The following ULK1 variants were observed in gnomAD, a reference collection of about 807,000 sequenced individuals.
The protein encoded by ULK1 is serine/threonine-protein kinase ULK1.
ULK1 carries 48 observed loss-of-function variants against 117.5 expected under a neutral mutation model. The observed-to-expected ratio is 0.41, with a 90% CI of 0.32 to 0.52. The LOEUF (loss-of-function observed/expected upper bound fraction) is 0.52, where lower values mean the gene tolerates loss of function less well. ULK1 is among the 20% of genes least tolerant of loss of function. The pLI is 0.29. For missense variants in ULK1, 1,387 were observed against 1,473.4 expected (o/e 0.94, Z 0.96); for synonymous variants, 790 against 637.8 (o/e 1.24, Z -3.60).
chr12:131,907,660 T>C, intron 5 of ULK1, 129 bp downstream of exon 5: 2 of 1,200,590 alleles, frequency 1.7e-6, no homozygotes, highest in Non-Finnish European at 2.3e-6. Context: ...GATTGGCTCT[T>C]TCTTGTCCCC....
chr12:131,907,813 T>C (rs1027022662), intron 5 of ULK1, among the ~76,000 whole-genome samples: 1 of 151,798 alleles, frequency 6.6e-6, no homozygotes, highest in African/African-American at 2.4e-5. Context: ...GGGTGGGGGC[T>C]GTTGTCTTCA....
chr12:131,917,106 GAGGCT>G lies in ULK1; in HGVS notation c.2182+45_2182+49del, dbSNP rs773106219. 3.3e-4 allele frequency: 418 copies of G among 1,285,558 alleles called. 22 individuals carry two copies. Among genetic ancestry groups the G allele is most frequent in the East Asian group, 1.8e-3 (68 of 37,288 alleles). The allele number at this position is 1,285,558 out of a possible 1,614,324, so 79.6% of individuals were successfully genotyped here. A position where few individuals can be genotyped will look rare whatever the true frequency, so the allele number is the denominator to read the frequency against. On this transcript the variant is annotated intron_variant, in intron 21 of 27. Coordinates refer to ENST00000321867, the MANE Select transcript of ULK1 (RefSeq NM_003565.4). Reference sequence around the variant, plus strand: ...CTCGGAGGCTGTGGGATGGGGGTCGGAGGCTGTGGGATGGGGGTCGGAGGCTGTGG... The same window carrying G: ...CTCGGAGGCTGTGGGATGGGGGTCGGGTGGGATGGGGGTCGGAGGCTGTGG...
At position 131,910,719 on chromosome 12, in the gene ULK1, C is replaced by G. The variant is rs143119597; in HGVS notation, c.867C>G (p.Pro289=). The G allele has an allele frequency of 3.7e-6, 6 of 1,613,078 alleles. No homozygotes were observed. Among genetic ancestry groups the G allele is most frequent in the Non-Finnish European group, 5.1e-6 (6 of 1,179,904 alleles). Residue 289 remains proline, a synonymous_variant, in exon 12 of 28, where the codon CCC becomes CCG. Transcript: ENST00000321867. ...TATGCATGTTTATCTCAGCCCCACCCGTGCCTGTGCCCTCGTACCCAAGCT... is the reference window on the plus strand; with the variant it reads ...TATGCATGTTTATCTCAGCCCCACCGGTGCCTGTGCCCTCGTACCCAAGCT... ...DASPSVRKSP[P]VPVPSYPSSG... is the part of the protein sequence containing the mutation.
In ULK1 at chr12:131,913,248, A is replaced by T; in HGVS notation, c.1147A>T (p.Met383Leu). The T allele has an allele frequency of 6.3e-7, 1 of 1,590,290 alleles. No individual in the cohort carries two copies. ...PSAKPPPDSL[M>L]CSGSSLVASA... ...TGCCAAACCCCCGCCAGACAGCCTG[A>T]TGTGCAGTGGGTGAGCCCCCATCCC... The change falls in exon 14 of 28, where the codon ATG becomes TTG. Residue 383 changes from methionine to leucine, a missense_variant. Around this residue, in one of 4 missense-constraint regions of ULK1, gnomAD observed 260 missense variants for 271.6 expected, o/e 0.96. Transcript: ENST00000321867.
rs139180744 is a variant in ULK1, at chr12:131,913,767, C to T, written c.1178C>T (p.Ala393Val). ...CACAGGAGCTCACTGGTGGCCTCTGCGGGCTTGGAGAGCCACGGCCGGACC... is the reference window on the plus strand; with the variant it reads ...CACAGGAGCTCACTGGTGGCCTCTGTGGGCTTGGAGAGCCACGGCCGGACC... ...MCSGSSLVAS[A>V]GLESHGRTPS... Residue 393 changes from alanine to valine, a missense_variant, in exon 15 of 28, where the codon GCG (alanine) becomes GTG (valine). By Grantham distance (64) the Ala-to-Val change is moderately conservative. Around this residue, in one of 4 missense-constraint regions of ULK1, gnomAD observed 260 missense variants for 271.6 expected, o/e 0.96. Transcript: ENST00000321867. The T allele has an allele frequency of 9.3e-5, 145 of 1,567,260 alleles. 1 individual carries two copies. Among genetic ancestry groups the T allele is most frequent in the South Asian group, 6.3e-4 (54 of 86,122 alleles).
rs376729575 is a variant in ULK1 at position 131,910,811 on chromosome 12, G to A, written c.948+11G>A. 7.7e-5 allele frequency: 124 copies of A among 1,612,002 alleles called. No individual in the cohort carries two copies. In the Middle Eastern group the frequency reaches 1.2e-3, roughly 15 times the overall value. On this transcript the variant is annotated intron_variant, in intron 12 of 27. Coordinates refer to ENST00000321867, the MANE Select transcript of ULK1 (RefSeq NM_003565.4). ...CTGGCCTCCCCGCCGGTGAGTTGCC[G>A]CCCCAGGGGCTTGGCAGCTTCTCCC...
At chr12:131,895,934 C>T (rs921698794) in intron 3 of ULK1, 110 bp downstream of exon 3, 108 of 1,404,544 alleles carry the variant, frequency 7.7e-5, no homozygotes, top group Non-Finnish European at 1.0e-4. Context: ...CTGGGGTCTA[C>T]TGGGCCCCTG....
chr12:131,895,151 T>TA, intron 1 of ULK1, 39 bp downstream of exon 1: 2 of 1,320,004 alleles, frequency 1.5e-6, no homozygotes, highest in Non-Finnish European at 2.0e-6. Flanking sequence ...CCGCCCAGGA[T>TA]CCCCTGCCCC....
At chr12:131,914,570 C>A in intron 16 of ULK1, 93 bp downstream of exon 16, 3 of 1,492,638 alleles carry the variant, frequency 2.0e-6, no homozygotes, top group Non-Finnish European at 1.8e-6. Flanking sequence ...GGGTCGTCAT[C>A]CATGTGCAGT....
chr12:131,906,560 G>A (rs1400018684), intron 3 of ULK1: 2 of 343,600 alleles, frequency 5.8e-6, no homozygotes, highest in Non-Finnish European at 5.4e-6. Context: ...GAGCTGAGAA[G>A]CTTCTATGGC....
In ULK1 at chr12:131,903,333, T is replaced by C. The variant is rs1414804435; in HGVS notation, c.247-3559T>C. Among the ~76,000 whole-genome samples, 1 of 152,186 alleles carries C rather than the reference T, an allele frequency of 6.6e-6. No individual in the cohort carries two copies. The highest frequency in any genetic ancestry group is 1.9e-4 in the East Asian group (1 of 5,198). On this transcript the variant is annotated intron_variant, in intron 3 of 27. Transcript: ENST00000321867. This position sits in a 1 kb window ranked among gnomAD's most constrained non-coding sequence, Gnocchi z 6.0. Reference sequence around the variant, plus strand: ...AGGGTGACTGGCTTGGCATTGGCACTGGGCAGAGTGAGGACAGGACTCCAG... The same window carrying C: ...AGGGTGACTGGCTTGGCATTGGCACCGGGCAGAGTGAGGACAGGACTCCAG...
intron 11 of ULK1, 135 bp downstream of exon 11, chr12:131,910,439 C>T: frequency 7.2e-7 from 1 of 1,396,574 alleles, no homozygotes. Flanking sequence ...GAGGGCAGGA[C>T]ACCCGGCTCC....
chr12:131,917,585 C>T, intron 22 of ULK1, 31 bp downstream of exon 22: 1 of 1,361,850 alleles, frequency 7.3e-7, no homozygotes. Context: ...AGCCCTGTCC[C>T]TTTTGGGGTG....
At chr12:131,911,402 G>A (rs945029786) in intron 12 of ULK1, among the ~76,000 whole-genome samples, 5 of 152,336 alleles carry the variant, frequency 3.3e-5, no homozygotes, top group African/African-American at 1.2e-4. Flanking sequence ...CTCAGATGTG[G>A]CGAGGGGAGC....
At position 131,921,252 on chromosome 12, in the gene ULK1, G is replaced by A. The variant is rs2136417190; in HGVS notation, c.3097+17G>A. On this transcript the variant is annotated intron_variant, in intron 27 of 27. Coordinates refer to ENST00000321867, the MANE Select transcript of ULK1 (RefSeq NM_003565.4). ...TCACCAAGTGTGAGTGCCCGGCTGG[G>A]CTGGGGGCTGGGGACTCTGGGCGTC... The A allele has an allele frequency of 1.2e-6, 2 of 1,607,776 alleles. No individual in the cohort carries two copies. The highest frequency in any genetic ancestry group is 8.5e-7 in the Non-Finnish European group (1 of 1,179,524).
In ULK1 at chr12:131,903,713, A is replaced by G. The variant is rs1427186777; in HGVS notation, c.247-3179A>G. On this transcript the variant is annotated intron_variant, in intron 3 of 27. Coordinates refer to ENST00000321867, the MANE Select transcript of ULK1 (RefSeq NM_003565.4). This position sits in a 1 kb window ranked among gnomAD's most constrained non-coding sequence, Gnocchi z 6.0. The stretch of plus-strand genomic sequence containing the variant: ...AGTCACCTGCTGGAGAGGACCTTTT[A>G]GGAGAGAGGCTGAGCATGGGCCAGG... 6.6e-6 allele frequency among the ~76,000 whole-genome samples: 1 copy of G among 151,956 alleles called. No homozygotes were observed. Among genetic ancestry groups the G allele is most frequent in the Admixed American group, 6.5e-5 (1 of 15,274 alleles).
At chr12:131,914,255 A>G (rs1889673217) in intron 15 of ULK1, 97 bp from the exon 16 acceptor site, 2 of 1,544,104 alleles carry the variant, frequency 1.3e-6, no homozygotes, top group African/African-American at 1.4e-5. Context: ...CTAACTAGGA[A>G]GTCTGGGCCT....
At position 131,917,021 on chromosome 12, in the gene ULK1, C is replaced by G. The variant is rs11546871; in HGVS notation, c.2141C>G (p.Pro714Arg). The change falls in exon 21 of 28, where the codon CCG (proline) becomes CGG (arginine). Residue 714 changes from proline (P) to arginine (R), a missense_variant. Coordinates refer to ENST00000321867, the MANE Select transcript of ULK1 (RefSeq NM_003565.4). ...KAAFGTQAPD[P>R]GSTESLQEKP... ...GCGTTTGGGACACAAGCCCCGGACC[C>G]GGGCAGCACGGAGAGCCTGCAGGAG... 3.1e-5 allele frequency: 44 copies of G among 1,433,250 alleles called. No individual in the cohort carries two copies. In the East Asian group the frequency reaches 1.3e-3, roughly 42 times the overall value. 88.8% of individuals were successfully genotyped at this position (1,433,250 alleles called of 1,614,324 possible).
chr12:131,921,364 T>C lies in ULK1; in HGVS notation c.*3T>C, dbSNP rs772729317. On this transcript the variant is annotated 3_prime_UTR_variant, in exon 28 of 28. Transcript: ENST00000321867. Reference sequence around the variant, plus strand: ...TGCTGACTGGCATCTGTGCCTGACCTTTCTGGCCTGGCTGGGCCCCCCGTC... The same window carrying C: ...TGCTGACTGGCATCTGTGCCTGACCCTTCTGGCCTGGCTGGGCCCCCCGTC... The C allele has an allele frequency of 7.5e-6, 12 of 1,603,136 alleles. No individual in the cohort carries two copies. The African/African-American group carries it at 1.5e-4, about 20-fold the overall frequency.
Sources: allele counts gnomAD v4.1 joint callset (sites outside exome capture counted in the v4.1 genomes callset), GRCh38; gene constraint gnomAD v4.1.1; regional missense constraint gnomAD v4.1.1; non-coding constraint Gnocchi (gnomAD v3.1); transcripts MANE v1.5; gene names NCBI Gene and HGNC (gene_info 2026-07-23, HGNC 2026-07-21).